MBTD1: variants seen among roughly 807,000 people sequenced by gnomAD.
MBTD1 encodes the protein MBT domain-containing protein 1.
MBTD1 carries 24 observed loss-of-function variants against 87.8 expected under a neutral mutation model. That is an observed-to-expected ratio of 0.27 (90% CI 0.20 to 0.38). The LOEUF is 0.38. Ranked by LOEUF, MBTD1 falls within the 10% of genes least tolerant of loss-of-function variation. The probability of loss-of-function intolerance (pLI) is 1.00; values close to 1 mark genes in which losing one functional copy is unlikely to be tolerated. For synonymous variants in MBTD1, 237 were observed against 248.6 expected (o/e 0.95, Z 0.44); for missense variants, 436 against 760.2 (o/e 0.57, Z 5.02).
intron 6 of MBTD1, among the ~76,000 whole-genome samples, chr17:51,214,538 G>A (rs916749970): frequency 5.9e-5 from 9 of 152,234 alleles, no homozygotes; most frequent in South Asian, 4.1e-4. Context: ...AAAACAGAAA[G>A]TATTTATCTG....
intron 12 of MBTD1, among the ~76,000 whole-genome samples, chr17:51,196,491 C>G (rs556822709): frequency 1.3e-5 from 2 of 152,024 alleles, no homozygotes; most frequent in African/African-American, 2.4e-5. Context: ...GGCTGCCCCC[C>G]CTTTTTAAAA....
At chr17:51,216,618 AG>A (rs1439775735) in intron 6 of MBTD1, among the ~76,000 whole-genome samples, 2 of 152,388 alleles carry the variant, frequency 1.3e-5, no homozygotes, top group East Asian at 3.9e-4. Context: ...ATTAGAAAAA[AG>A]ATCCTTCCTC....
chr17:51,257,452 T>C (rs1181091204), intron 2 of MBTD1, among the ~76,000 whole-genome samples: 2 of 152,250 alleles, frequency 1.3e-5, no homozygotes, highest in Admixed American at 1.3e-4. Context: ...AACTATAGCT[T>C]ATATTTTCCT....
chr17:51,247,379 T>C (rs568741719), intron 2 of MBTD1, among the ~76,000 whole-genome samples: 2 of 152,156 alleles, frequency 1.3e-5, no homozygotes, highest in Non-Finnish European at 2.9e-5. Flanking sequence ...AGTATCTGTA[T>C]GTGATAACTC....
At chr17:51,184,009 A>G (rs1423290143) in intron 16 of MBTD1, 3 of 152,254 alleles carry the variant, frequency 2.0e-5, no homozygotes, top group Non-Finnish European at 2.9e-5. Context: ...GAGATTCTAA[A>G]GCATATCTTG....
Position 51,179,827 on chromosome 17 carries a change from T to C in MBTD1, c.*749A>G, listed in dbSNP as rs945747549. 1 of 152,008 alleles carries C rather than the reference T, an allele frequency of 6.6e-6. No homozygotes were observed. Among genetic ancestry groups the C allele is most frequent in the African/African-American group, 2.4e-5 (1 of 41,408 alleles). The allele number at this position is 152,008 out of a possible 1,614,324, so 9.4% of individuals were successfully genotyped here. On this transcript the variant is annotated 3_prime_UTR_variant, in exon 17 of 17. Coordinates refer to ENST00000586178, the MANE Select transcript of MBTD1 (RefSeq NM_017643.3). ...CATTACATTTTCCCCAACCCCTCAA[T>C]GTGTAGACTGAGATCCTGAATATCT... is the stretch of plus-strand genomic sequence containing the variant.
In MBTD1 at chr17:51,192,930, T is replaced by C; in HGVS notation, c.1542A>G (p.Val514=). 4 of 1,614,194 alleles carry C rather than the reference T, an allele frequency of 2.5e-6. No individual in the cohort carries two copies. The highest frequency in any genetic ancestry group is 3.4e-6 in the Non-Finnish European group (4 of 1,180,020). The change falls in exon 15 of 17, where the codon GTA becomes GTG. Residue 514 remains valine, a synonymous_variant. Transcript: ENST00000586178. ...MEPRLICVAT[V]TRIIHRLLRI... is the part of the protein sequence containing the mutation. ...TCAAGAGACGATGAATAATTCGAGT[T>C]ACTGTGGCTACACATATTAAACGTG... is the stretch of plus-strand genomic sequence containing the variant.
chr17:51,223,228 G>C (rs2053014628), intron 3 of MBTD1, among the ~76,000 whole-genome samples: 1 of 151,656 alleles, frequency 6.6e-6, no homozygotes, highest in Non-Finnish European at 1.5e-5. Context: ...GACAGAATTA[G>C]CAATAAAAAA....
chr17:51,185,848 G>A (rs1358140496), intron 16 of MBTD1: 1 of 152,242 alleles, frequency 6.6e-6, no homozygotes, highest in East Asian at 1.9e-4. Context: ...CTTCCCTGAT[G>A]TTTTGTCTTA....
At chr17:51,216,336 T>C (rs1382915401) in intron 6 of MBTD1, among the ~76,000 whole-genome samples, 1 of 152,230 alleles carries the variant, frequency 6.6e-6, no homozygotes, top group African/African-American at 2.4e-5. Flanking sequence ...GATCTTTAAG[T>C]ATTAATTAAA....
At chr17:51,212,952 AC>A (rs1349247634) in intron 6 of MBTD1, among the ~76,000 whole-genome samples, 1 of 152,090 alleles carries the variant, frequency 6.6e-6, no homozygotes, top group Non-Finnish European at 1.5e-5. Context: ...CTGGTCTTGA[AC>A]TGCTGACCTT....
chr17:51,260,678 G>A (rs760351468), upstream of MBTD1: 30 of 1,610,600 alleles, frequency 1.9e-5, no homozygotes, highest in Non-Finnish European at 2.4e-5. Flanking sequence ...CTGGAAAGCC[G>A]GAGCGGGGCC....
intron 2 of MBTD1, among the ~76,000 whole-genome samples, chr17:51,255,909 A>G (rs557663857): frequency 6.6e-6 from 1 of 152,306 alleles, no homozygotes; most frequent in East Asian, 1.9e-4. Context: ...ATATTAACCA[A>G]TATTTATTGA....
At chr17:51,217,296 TA>T in intron 6 of MBTD1, 37 bp downstream of exon 6, 1 of 1,187,988 alleles carries the variant, frequency 8.4e-7, no homozygotes, top group South Asian at 1.4e-5. Context: ...AAACAATGAC[TA>T]AGTACTTCAA....
intron 2 of MBTD1, among the ~76,000 whole-genome samples, chr17:51,241,646 C>A (rs796349407): frequency 6.6e-6 from 1 of 152,300 alleles, no homozygotes; most frequent in South Asian, 2.1e-4. Context: ...TCACTGCAAC[C>A]TCCACCTCCC....
At position 51,180,656 on chromosome 17, in the gene MBTD1, C is replaced by T; in HGVS notation, c.1807G>A (p.Glu603Lys). ...GCTCCTTGAAGGAAATTATAATCCT[C>T]TCCATCCAGCAACTCCTCCTTCAGC... ...LQLKEELLDG[E>K]DYNFLQGASD... The change falls in exon 17 of 17, where the codon GAG becomes AAG. Residue 603 changes from glutamate (E) to lysine (K), a missense_variant. Physicochemically the swap from Glu to Lys is moderately conservative, Grantham distance 56. Coordinates refer to ENST00000586178, the MANE Select transcript of MBTD1 (RefSeq NM_017643.3). 1 of 1,551,000 alleles carries T rather than the reference C, an allele frequency of 6.4e-7. No homozygotes were observed. Among genetic ancestry groups the T allele is most frequent in the Non-Finnish European group, 8.7e-7 (1 of 1,146,252 alleles).
At chr17:51,253,954 C>T (rs2054937475) in intron 2 of MBTD1, among the ~76,000 whole-genome samples, 1 of 152,046 alleles carries the variant, frequency 6.6e-6, no homozygotes, top group Non-Finnish European at 1.5e-5. Context: ...AAACATGGAG[C>T]CAAGTAATAT....
At chr17:51,205,672 C>T (rs1175415940) in intron 7 of MBTD1, among the ~76,000 whole-genome samples, 2 of 152,104 alleles carry the variant, frequency 1.3e-5, no homozygotes, top group African/African-American at 4.8e-5. Flanking sequence ...GGCCTCATCA[C>T]AACAGATCAT....
Position 51,217,305 on chromosome 17 carries a change from C to T in MBTD1, c.486+29G>A, listed in dbSNP as rs1460269150. On this transcript the variant is annotated intron_variant, in intron 6 of 16. Coordinates refer to ENST00000586178, the MANE Select transcript of MBTD1 (RefSeq NM_017643.3). Reference sequence around the variant, plus strand: ...AGATTTAAACAATGACTAAGTACTTCAAAATAAGGTGAGAAATTCTGTACT... The same window carrying T: ...AGATTTAAACAATGACTAAGTACTTTAAAATAAGGTGAGAAATTCTGTACT... 11 of 1,341,432 alleles carry T rather than the reference C, an allele frequency of 8.2e-6. No individual in the cohort carries two copies. In the South Asian group the frequency reaches 1.5e-4, roughly 18 times the overall value. The allele number at this position is 1,341,432 out of a possible 1,614,324, so 83.1% of individuals were successfully genotyped here.
Sources: allele counts gnomAD v4.1 joint callset (sites outside exome capture counted in the v4.1 genomes callset), GRCh38; gene constraint gnomAD v4.1.1; transcripts MANE v1.5; gene names NCBI Gene and HGNC (gene_info 2026-07-23, HGNC 2026-07-21).